The following RAD51B variants were observed in gnomAD, a reference collection of about 807,000 sequenced individuals.
The protein encoded by RAD51B is RAD51 paralog B.
In RAD51B, 38 loss-of-function variants were observed where a neutral mutation model predicts 42.2. The observed-to-expected ratio is 0.90, with a 90% CI of 0.70 to 1.18. The LOEUF (loss-of-function observed/expected upper bound fraction) is 1.18. Ranked by LOEUF, RAD51B falls within the 50% of genes most tolerant of loss-of-function variation. The pLI, the probability that RAD51B is intolerant of heterozygous loss-of-function variation, is 0.00. For missense variants in RAD51B, 373 were observed against 400.7 expected (o/e 0.93, Z 0.59); for synonymous variants, 154 against 145.2 (o/e 1.06, Z -0.43).
At chr14:67,913,737 A>G (rs1403671830) in intron 7 of RAD51B, among the ~76,000 whole-genome samples, 1 of 152,170 alleles carries the variant, frequency 6.6e-6, no homozygotes, top group East Asian at 1.9e-4. Context: ...GTGTGTAATA[A>G]TCACATCAAG....
rs1282403028 is a variant in RAD51B, at chr14:68,457,956, A to G, written c.958-10216A>G. ...TTCAAACCACATGTAAAGTTCACTG[A>G]AAAAAAAAAAAAAACCAACATGGTT... On this transcript the variant is annotated intron_variant, in intron 9 of 10. Coordinates refer to ENST00000471583, the MANE Select transcript of RAD51B (RefSeq NM_133510.4). Among the ~76,000 whole-genome samples the G allele has an allele frequency of 4.5e-5, 6 of 133,924 alleles. No homozygotes were observed. The South Asian group carries it at 1.2e-3, about 27-fold the overall frequency. The allele number at this position is 133,924 out of a possible 152,430, so 87.9% of individuals were successfully genotyped here. A position where few individuals can be genotyped will look rare whatever the true frequency, so the allele number is the denominator to read the frequency against.
At chr14:67,835,508 T>C (rs531322235) in intron 4 of RAD51B, among the ~76,000 whole-genome samples, 6 of 151,928 alleles carry the variant, frequency 3.9e-5, no homozygotes, top group Non-Finnish European at 7.4e-5. Context: ...ATATATGTTA[T>C]ATATACATAC....
chr14:68,046,299 T>C (rs778961576), intron 7 of RAD51B, among the ~76,000 whole-genome samples: 3 of 152,130 alleles, frequency 2.0e-5, no homozygotes, highest in African/African-American at 7.2e-5. Context: ...ATTCTTTTTG[T>C]AGAGACAAAG....
downstream of RAD51B, among the ~76,000 whole-genome samples, chr14:68,598,434 C>A (rs1383520988): frequency 6.6e-6 from 1 of 152,212 alleles, no homozygotes; most frequent in Non-Finnish European, 1.5e-5. Flanking sequence ...ATTGTAAAAT[C>A]CTTTCTGATA....
At chr14:67,874,023 G>A (rs1303062383) in intron 5 of RAD51B, among the ~76,000 whole-genome samples, 1 of 151,488 alleles carries the variant, frequency 6.6e-6, no homozygotes, top group African/African-American at 2.4e-5. Flanking sequence ...CAGCAGCATG[G>A]CACATGTATA....
intron 8 of RAD51B, among the ~76,000 whole-genome samples, chr14:68,333,365 A>G (rs1165639312): frequency 6.6e-6 from 1 of 152,252 alleles, no homozygotes; most frequent in Non-Finnish European, 1.5e-5. Flanking sequence ...CACTCTTGCC[A>G]TCAGTTTGGC....
At chr14:68,069,966 A>G (rs1253460434) in intron 7 of RAD51B, among the ~76,000 whole-genome samples, 3 of 152,130 alleles carry the variant, frequency 2.0e-5, no homozygotes, top group Admixed American at 1.3e-4. Context: ...TGAGTTTTTA[A>G]TAATGGCCAA....
chr14:68,339,469 T>G, intron 8 of RAD51B: 1 of 514,790 alleles, frequency 1.9e-6, no homozygotes, highest in Non-Finnish European at 3.4e-6. Context: ...GCCTCCTGCT[T>G]CTTTATGACA....
rs79151056 is a variant in RAD51B, at chr14:68,441,404, C to T, written c.958-26768C>T. Among the ~76,000 whole-genome samples, 17 of 142,668 alleles carry T rather than the reference C, an allele frequency of 1.2e-4. 2 individuals are homozygous for T. The highest frequency in any genetic ancestry group is 3.3e-4 in the African/African-American group (13 of 39,356). The allele number at this position is 142,668 out of a possible 152,430, so 93.6% of individuals were successfully genotyped here. ...AAAAAAACAAAAAATTAGCCGGGCG[C>T]GGTGGCAGGCACCTGTAGTCCCAGC... is the stretch of plus-strand genomic sequence containing the variant. On this transcript the variant is annotated intron_variant, in intron 9 of 10. Coordinates refer to ENST00000471583, the MANE Select transcript of RAD51B (RefSeq NM_133510.4).
intron 7 of RAD51B, among the ~76,000 whole-genome samples, chr14:68,053,239 T>C (rs2076422530): frequency 6.6e-6 from 1 of 152,208 alleles, no homozygotes; most frequent in Non-Finnish European, 1.5e-5. Flanking sequence ...TTAAAGGCTA[T>C]TTTTCCATAA....
chr14:68,216,249 T>C (rs766797304), intron 7 of RAD51B, among the ~76,000 whole-genome samples: 26 of 152,206 alleles, frequency 1.7e-4, no homozygotes, highest in Non-Finnish European at 2.8e-4. Flanking sequence ...TCTAAAAACC[T>C]ATTTCTTTAT....
At chr14:68,593,053 G>T (rs549782761) in intron 10 of RAD51B, among the ~76,000 whole-genome samples, 2 of 152,332 alleles carry the variant, frequency 1.3e-5, no homozygotes, top group Admixed American at 1.3e-4. Flanking sequence ...GCAAGACAGA[G>T]TCCTGTTGTC....
At chr14:68,184,220 T>TTA (rs1381628380) in intron 7 of RAD51B, among the ~76,000 whole-genome samples, 2 of 151,796 alleles carry the variant, frequency 1.3e-5, no homozygotes, top group Non-Finnish European at 2.9e-5. Flanking sequence ...GAGTGCAAGG[T>TTA]TATAGTGAGA....
intron 10 of RAD51B, chr14:68,541,218 G>C (rs569468740): frequency 4.1e-6 from 4 of 985,246 alleles, no homozygotes; most frequent in Non-Finnish European, 4.8e-6. Flanking sequence ...AGCTCCGTTC[G>C]GGCTCCTCTT....
intron 8 of RAD51B, among the ~76,000 whole-genome samples, chr14:68,336,175 CTAT>C (rs1366803921): frequency 3.9e-5 from 6 of 152,082 alleles, no homozygotes; most frequent in African/African-American, 1.2e-4. Flanking sequence ...CAAATGTTAG[CTAT>C]TATTATTTCA....
intron 10 of RAD51B, among the ~76,000 whole-genome samples, chr14:68,555,879 C>T (rs754959520): frequency 6.6e-6 from 1 of 152,224 alleles, no homozygotes; most frequent in Non-Finnish European, 1.5e-5. Context: ...AACTCACTCA[C>T]TTCCTTGAGA....
chr14:68,225,578 A>C (rs2140972252), intron 7 of RAD51B, among the ~76,000 whole-genome samples: 1 of 152,314 alleles, frequency 6.6e-6, no homozygotes, highest in East Asian at 1.9e-4. Flanking sequence ...CCATACTTGG[A>C]AATTGTGCTC....
rs1337714361 is a variant in RAD51B at position 68,432,703 on chromosome 14, C to A, written c.957+21176C>A. On this transcript the variant is annotated intron_variant, in intron 9 of 10. Coordinates refer to ENST00000471583, the MANE Select transcript of RAD51B (RefSeq NM_133510.4). ...ACACTGATAGGTCTTGACTCTTTAT[C>A]CAACTTGCCAGTCTGTGTCTTTTAA... 2.6e-5 allele frequency among the ~76,000 whole-genome samples: 4 copies of A among 152,176 alleles called. No individual in the cohort carries two copies. In the East Asian group the frequency reaches 7.7e-4, roughly 29 times the overall value.
chr14:67,865,679 C>T (rs2042317223), intron 5 of RAD51B, among the ~76,000 whole-genome samples: 1 of 151,616 alleles, frequency 6.6e-6, no homozygotes, highest in South Asian at 2.1e-4. Flanking sequence ...GCTGGGATTA[C>T]AGGCGCCCTA....
Sources: allele counts gnomAD v4.1 joint callset (sites outside exome capture counted in the v4.1 genomes callset), GRCh38; gene constraint gnomAD v4.1.1; transcripts MANE v1.5; gene names NCBI Gene and HGNC (gene_info 2026-07-23, HGNC 2026-07-21).